The following UNC13C variants were observed in gnomAD, a reference collection of about 807,000 sequenced individuals.
The protein encoded by UNC13C is unc-13 homolog C.
In UNC13C, 174 loss-of-function variants were observed where a neutral mutation model predicts 245.4. The observed-to-expected ratio is 0.71, with a 90% CI of 0.63 to 0.80. The LOEUF (loss-of-function observed/expected upper bound fraction) is 0.80, where lower values mean the gene tolerates loss of function less well. UNC13C is among the 30% of genes least tolerant of loss of function. The pLI is 0.00. For missense variants in UNC13C, 2,829 were observed against 2,602.9 expected, an observed-to-expected ratio of 1.09 and a Z score of -1.89; for synonymous variants, 992 against 895.1, an observed-to-expected ratio of 1.11 and a Z score of -1.93.
At chr15:54,470,079 G>A (rs1388967256) in intron 19 of UNC13C, among the ~76,000 whole-genome samples, 1 of 151,436 alleles carries the variant, frequency 6.6e-6, no homozygotes, top group African/African-American at 2.4e-5. Flanking sequence ...TACATATATT[G>A]TACCATCCTT....
chr15:54,079,956 T>C (rs185105574), intron 2 of UNC13C, among the ~76,000 whole-genome samples: 22 of 151,924 alleles, frequency 1.4e-4, no homozygotes, highest in Admixed American at 1.1e-3. Flanking sequence ...TTGTCATATA[T>C]GGCTTTGATT....
intron 4 of UNC13C, among the ~76,000 whole-genome samples, chr15:54,177,224 T>G (rs1389735034): frequency 6.6e-6 from 1 of 152,074 alleles, no homozygotes; most frequent in Admixed American, 6.6e-5. Context: ...CAGGTACAAT[T>G]TTATCAAATA....
At chr15:53,935,732 C>T in the UNC13C span, among the ~76,000 whole-genome samples, 2 of 152,280 alleles carry the variant, frequency 1.3e-5, no homozygotes, top group African/African-American at 2.4e-5. Context: ...AGAGCCCCCA[C>T]CCTCAGCCAA....
At chr15:54,443,033 G>T (rs1890615948) in intron 19 of UNC13C, among the ~76,000 whole-genome samples, 1 of 152,056 alleles carries the variant, frequency 6.6e-6, no homozygotes, top group South Asian at 2.1e-4. Context: ...TGAGAGTGAA[G>T]TCATCTGGTT....
In UNC13C at chr15:54,619,856, A is replaced by T. The variant is rs78414191; in HGVS notation, c.6107-2471A>T. On this transcript the variant is annotated intron_variant, in intron 30 of 32. Transcript: ENST00000260323. ...AGAAAAATCTGCATAATTAACTGTA[A>T]TACTAGCTATAGCATGAGTACTAGA... 5.2e-3 allele frequency among the ~76,000 whole-genome samples: 791 copies of T among 152,322 alleles called. 1 individual carries two copies. Among genetic ancestry groups the T allele is most frequent in the Middle Eastern group, 0.01 (3 of 294 alleles).
chr15:53,839,094 A>G, the UNC13C span, among the ~76,000 whole-genome samples: 2 of 147,826 alleles, frequency 1.4e-5, no homozygotes, highest in African/African-American at 5.2e-5. Flanking sequence ...CTTTTTTTAC[A>G]TGATTTCTAA....
At chr15:54,342,580 T>C (rs1596253886) in intron 17 of UNC13C, among the ~76,000 whole-genome samples, 1 of 151,720 alleles carries the variant, frequency 6.6e-6, no homozygotes, top group Admixed American at 6.6e-5. Flanking sequence ...AAAAAAAATG[T>C]GTCTATCACC....
chr15:53,918,498 C>G, the UNC13C span, among the ~76,000 whole-genome samples: 1 of 152,214 alleles, frequency 6.6e-6, no homozygotes, highest in Non-Finnish European at 1.5e-5. Flanking sequence ...CTCCCTCAGA[C>G]GCAGCATCAG....
intron 2 of UNC13C, among the ~76,000 whole-genome samples, chr15:54,040,434 A>T (rs1896762912): frequency 6.6e-6 from 1 of 152,110 alleles, no homozygotes; most frequent in South Asian, 2.1e-4. Context: ...CCCACCCCAG[A>T]CCTACTTAAT....
chr15:53,998,284 G>A (rs546016676), intron 1 of UNC13C, among the ~76,000 whole-genome samples: 4 of 152,172 alleles, frequency 2.6e-5, no homozygotes, highest in South Asian at 2.1e-4. Context: ...TTCAACTTAT[G>A]ATCATATATT....
intron 19 of UNC13C, among the ~76,000 whole-genome samples, chr15:54,472,578 T>C (rs1165833634): frequency 1.3e-5 from 2 of 151,890 alleles, no homozygotes; most frequent in Non-Finnish European, 2.9e-5. Context: ...AGTGATAAAC[T>C]AGACCCGCCA....
the UNC13C span, among the ~76,000 whole-genome samples, chr15:53,885,929 C>T: frequency 6.6e-6 from 1 of 152,024 alleles, no homozygotes; most frequent in Non-Finnish European, 1.5e-5. Flanking sequence ...ACAATTCTGA[C>T]CCTGCTATAC....
At chr15:54,313,225 C>A (rs554802550) in intron 13 of UNC13C, among the ~76,000 whole-genome samples, 9 of 151,888 alleles carry the variant, frequency 5.9e-5, no homozygotes, top group African/African-American at 1.9e-4. Flanking sequence ...ATTGTTATTA[C>A]AGTGTTAACT....
chr15:54,392,407 T>TA lies in UNC13C; in HGVS notation c.4714-634dup. Reference sequence around the variant, plus strand: ...AATTGAGAAAGTTTCAAAGACATTTTAAAAAAAGGAAAAAAAGAGAAAAAG... The same window carrying TA: ...AATTGAGAAAGTTTCAAAGACATTTTAAAAAAAAGGAAAAAAAGAGAAAAAG... On this transcript the variant is annotated intron_variant, in intron 17 of 32. Transcript: ENST00000260323. Among the ~76,000 whole-genome samples the TA allele has an allele frequency of 2.0e-5, 3 of 151,894 alleles. No individual in the cohort carries two copies. In the Middle Eastern group the frequency reaches 0.01, roughly 520 times the overall value.
chr15:54,399,091 G>T (rs554721077), intron 18 of UNC13C, among the ~76,000 whole-genome samples: 1 of 151,602 alleles, frequency 6.6e-6, no homozygotes, highest in Non-Finnish European at 1.5e-5. Context: ...TAAATCAAAA[G>T]ATCTTTATGA....
intron 10 of UNC13C, among the ~76,000 whole-genome samples, chr15:54,273,490 A>G (rs2036745816): frequency 6.6e-6 from 1 of 152,000 alleles, no homozygotes; most frequent in South Asian, 2.1e-4. Context: ...CAACTCTAGC[A>G]CTCAGTTTGC....
intron 2 of UNC13C, among the ~76,000 whole-genome samples, chr15:54,122,877 T>C (rs2030770440): frequency 6.6e-6 from 1 of 152,092 alleles, no homozygotes; most frequent in Non-Finnish European, 1.5e-5. Flanking sequence ...TTTATGTTAT[T>C]TCCAGTATTT....
chr15:54,520,748 A>G (rs1035364033), intron 24 of UNC13C, among the ~76,000 whole-genome samples: 3 of 152,194 alleles, frequency 2.0e-5, no homozygotes, highest in African/African-American at 7.2e-5. Context: ...GGTCCTTGAA[A>G]TTAAGAAATC....
At chr15:54,579,248 C>G (rs1898098841) in intron 30 of UNC13C, among the ~76,000 whole-genome samples, 1 of 152,194 alleles carries the variant, frequency 6.6e-6, no homozygotes, top group South Asian at 2.1e-4. Flanking sequence ...TTTTTTTTCT[C>G]TGCCTGCTTA....
Sources: gnomAD v4.1 joint callset for allele counts (sites outside exome capture counted in the v4.1 genomes callset) on GRCh38, gnomAD v4.1.1 for gene constraint, MANE v1.5 for transcripts, NCBI Gene and HGNC (gene_info 2026-07-23, HGNC 2026-07-21) for gene names.